The following ZBBX variants were observed in gnomAD, a reference collection of about 807,000 sequenced individuals.
ZBBX encodes the protein zinc finger B-box domain containing, also known as zinc finger B-box domain-containing protein 1.
In ZBBX, 101 loss-of-function variants were observed where a neutral mutation model predicts 108.5. The ratio of observed to expected loss-of-function variants is 0.93; its 90% CI spans 0.79 to 1.10. The LOEUF (loss-of-function observed/expected upper bound fraction) is 1.10, where lower values mean the gene tolerates loss of function less well. ZBBX is among the 50% of genes least tolerant of loss of function. The pLI is 0.00. For synonymous variants in ZBBX, 356 were observed against 323.4 expected, an observed-to-expected ratio of 1.10 and a Z score of -1.08; for missense variants, 1,009 against 941.4, an observed-to-expected ratio of 1.07 and a Z score of -0.94.
chr3:167,335,643 A>G (rs1408983160), intron 9 of ZBBX, among the ~76,000 whole-genome samples: 1 of 151,126 alleles, frequency 6.6e-6, no homozygotes, highest in East Asian at 1.9e-4. Flanking sequence ...CTAGTTGCCA[A>G]TTTAGATAGC....
At chr3:167,401,485 A>G (rs530828954) in intron 1 of ZBBX, 46 of 152,302 alleles carry the variant, frequency 3.0e-4, no homozygotes, top group African/African-American at 1.1e-3. Flanking sequence ...GCAGCCCGGA[A>G]GGCTGCTGGT....
chr3:167,399,713 T>A (rs1281381383), intron 1 of ZBBX: 2 of 152,192 alleles, frequency 1.3e-5, no homozygotes, highest in East Asian at 1.9e-4. Context: ...ACCATTTTTT[T>A]AACTTTTATT....
At chr3:167,316,553 T>A (rs1253085914) in intron 14 of ZBBX, among the ~76,000 whole-genome samples, 2 of 152,024 alleles carry the variant, frequency 1.3e-5, no homozygotes, top group Non-Finnish European at 2.9e-5. Flanking sequence ...GTTATTTGAC[T>A]GAACTTCTTA....
At chr3:167,192,563 T>C in the ZBBX span, among the ~76,000 whole-genome samples, 36 of 152,306 alleles carry the variant, frequency 2.4e-4, no homozygotes, top group African/African-American at 8.2e-4. Context: ...TCTTTAATCG[T>C]ATCCCTTTCT....
At chr3:167,269,764 A>G (rs1726204271) in intron 20 of ZBBX, among the ~76,000 whole-genome samples, 2 of 152,252 alleles carry the variant, frequency 1.3e-5, no homozygotes, top group South Asian at 4.1e-4. Context: ...GCTATCAACC[A>G]AATAGTACCA....
chr3:167,266,768 G>A (rs1025035791), intron 20 of ZBBX, among the ~76,000 whole-genome samples: 1 of 152,114 alleles, frequency 6.6e-6, no homozygotes, highest in African/African-American at 2.4e-5. Flanking sequence ...ATTTATATTC[G>A]AGTGCTGTTT....
chr3:167,306,334 G>T (rs1228516046), intron 16 of ZBBX, among the ~76,000 whole-genome samples: 1 of 151,974 alleles, frequency 6.6e-6, no homozygotes, highest in African/African-American at 2.4e-5. Flanking sequence ...TTTTCATTTT[G>T]CCATTTTTCC....
chr3:167,230,535 A>C, the ZBBX span, among the ~76,000 whole-genome samples: 1 of 151,840 alleles, frequency 6.6e-6, no homozygotes, highest in African/African-American at 2.4e-5. Context: ...GAAATATTTA[A>C]GATGAGACAA....
At chr3:167,399,575 C>G (rs1748353429) in intron 1 of ZBBX, 1 of 152,076 alleles carries the variant, frequency 6.6e-6, no homozygotes, top group Non-Finnish European at 1.5e-5. Context: ...CAGAGTTTCA[C>G]AGGTAAAGGA....
the ZBBX span, among the ~76,000 whole-genome samples, chr3:167,187,413 A>G: frequency 2.0e-5 from 3 of 152,162 alleles, no homozygotes; most frequent in Non-Finnish European, 2.9e-5. Context: ...CTCAGAGCCA[A>G]TTCTGCTAAT....
chr3:167,404,459 G>C (rs1748520401), intron 1 of ZBBX, among the ~76,000 whole-genome samples: 1 of 152,098 alleles, frequency 6.6e-6, no homozygotes, highest in South Asian at 2.1e-4. Context: ...AATGAGTATT[G>C]TCAGAGAAGA....
At chr3:167,219,507 A>G in the ZBBX span, among the ~76,000 whole-genome samples, 1 of 152,058 alleles carries the variant, frequency 6.6e-6, no homozygotes, top group South Asian at 2.1e-4. Flanking sequence ...CATGGAAATT[A>G]AATGATATGT....
chr3:167,387,315 T>A (rs1468208049), intron 1 of ZBBX, among the ~76,000 whole-genome samples: 1 of 152,034 alleles, frequency 6.6e-6, no homozygotes, highest in Non-Finnish European at 1.5e-5. Flanking sequence ...CAGACAAGAA[T>A]TCAGAATAAT....
intron 18 of ZBBX, among the ~76,000 whole-genome samples, chr3:167,292,493 T>G (rs548885052): frequency 3.2e-4 from 49 of 152,186 alleles, no homozygotes; most frequent in Non-Finnish European, 5.9e-4. Flanking sequence ...AGATGTTCTT[T>G]GAAACCAATG....
At chr3:167,186,767 A>AAT in the ZBBX span, among the ~76,000 whole-genome samples, 1 of 152,182 alleles carries the variant, frequency 6.6e-6, no homozygotes, top group South Asian at 2.1e-4. Context: ...TTTAAAAAGA[A>AAT]ATACTCATGT....
At chr3:167,348,326 A>G (rs1329469691) in intron 9 of ZBBX, among the ~76,000 whole-genome samples, 3 of 91,202 alleles carry the variant, frequency 3.3e-5, no homozygotes, top group African/African-American at 1.5e-4. Context: ...GAAAGAAAGA[A>G]AGAAAGAAAG....
chr3:167,368,327 T>C (rs1745650497), intron 5 of ZBBX, 134 bp downstream of exon 5: 1 of 644,248 alleles, frequency 1.6e-6, no homozygotes, highest in South Asian at 2.2e-5. Flanking sequence ...AGGCCTTTGC[T>C]ATTGCTCGTT....
intron 19 of ZBBX, among the ~76,000 whole-genome samples, chr3:167,282,987 C>A (rs930130148): frequency 2.0e-5 from 3 of 152,034 alleles, no homozygotes; most frequent in Admixed American, 2.0e-4. Context: ...AATATGGCAA[C>A]AAAAGAGACT....
At chr3:167,186,169 ATGAG>A in the ZBBX span, among the ~76,000 whole-genome samples, 1 of 151,912 alleles carries the variant, frequency 6.6e-6, no homozygotes, top group Non-Finnish European at 1.5e-5. Context: ...TAATTAATAT[ATGAG>A]TAATAGAGTA....
Sources: gnomAD v4.1 joint callset for allele counts (sites outside exome capture counted in the v4.1 genomes callset) on GRCh38, gnomAD v4.1.1 for gene constraint, MANE v1.5 for transcripts, NCBI Gene and HGNC (gene_info 2026-07-23, HGNC 2026-07-21) for gene names.